ARID2: variants seen among roughly 807,000 people sequenced by gnomAD.
ARID2 encodes the protein AT-rich interaction domain 2, also known as AT-rich interactive domain-containing protein 2.
A neutral mutation model predicts 184.6 loss-of-function variants in ARID2; 32 were observed. That is an observed-to-expected ratio of 0.17 (90% confidence interval 0.13 to 0.23). The LOEUF (loss-of-function observed/expected upper bound fraction) is 0.23. Among genes scored for constraint, ARID2 ranks in the 10% least tolerant of loss-of-function variants. ARID2 has a pLI of 1.00. For missense variants in ARID2, 1,696 were observed against 2,197.6 expected, an observed-to-expected ratio of 0.77 and a Z score of 4.56; for synonymous variants, 836 against 772.6, an observed-to-expected ratio of 1.08 and a Z score of -1.36.
intron 3 of ARID2, among the ~76,000 whole-genome samples, chr12:45,771,532 CCA>C (rs1941877016): frequency 6.6e-6 from 1 of 151,432 alleles, no homozygotes; most frequent in African/African-American, 2.4e-5. Context: ...AACTAGTTAG[CCA>C]CAGTGTTGCA....
At chr12:45,812,813 C>A (rs921451538) in intron 4 of ARID2, among the ~76,000 whole-genome samples, 3 of 152,168 alleles carry the variant, frequency 2.0e-5, no homozygotes, top group African/African-American at 4.8e-5. Flanking sequence ...TTTCAACTTA[C>A]AACTCTGTGT....
chr12:45,797,138 A>G (rs892156353), intron 3 of ARID2, among the ~76,000 whole-genome samples: 1 of 152,142 alleles, frequency 6.6e-6, no homozygotes, highest in Non-Finnish European at 1.5e-5. Context: ...TTTAATATAC[A>G]TACATACACA....
chr12:45,729,832 A>C lies in ARID2; in HGVS notation c.-5A>C. 1 of 1,607,344 alleles carries C rather than the reference A, an allele frequency of 6.2e-7. No homozygotes were observed. The highest frequency in any genetic ancestry group is 8.5e-7 in the Non-Finnish European group (1 of 1,177,362). On this transcript the variant is annotated 5_prime_UTR_variant, in exon 1 of 21. Coordinates refer to ENST00000334344, the MANE Select transcript of ARID2 (RefSeq NM_152641.4). ...GGTTTTTTAAAAACCTCCTTTGAAA[A>C]AATAATGGCAAACTCGACGGGGAAG...
chr12:45,851,855 C>T lies in ARID2; in HGVS notation c.3732C>T (p.Cys1244=), dbSNP rs534769714. ...CATTCAAAGGTGATAAAATAATTTG[C>T]CAAAAGGAGGAGGAAGCAAAGGAAG... ...TPPFKGDKII[C]QKEEEAKEAT... is the part of the protein sequence containing the mutation. The change falls in exon 15 of 21, where the codon TGC becomes TGT. Residue 1244 remains cysteine, a synonymous_variant. Transcript: ENST00000334344. 384 of 1,614,002 alleles carry T rather than the reference C, an allele frequency of 2.4e-4. 1 individual carries two copies. The South Asian group carries it at 4.0e-3, about 17-fold the overall frequency.
intron 6 of ARID2, among the ~76,000 whole-genome samples, chr12:45,824,288 T>C (rs1385304414): frequency 6.6e-6 from 1 of 152,150 alleles, no homozygotes; most frequent in Non-Finnish European, 1.5e-5. Context: ...TTTTATCAAA[T>C]GCTTTTTTTG....
At chr12:45,785,635 C>G (rs1035138526) in intron 3 of ARID2, among the ~76,000 whole-genome samples, 2 of 152,104 alleles carry the variant, frequency 1.3e-5, no homozygotes, top group African/African-American at 4.8e-5. Flanking sequence ...CAACATGACA[C>G]TTAAAGGAAA....
At chr12:45,761,408 T>G (rs1248309231) in intron 3 of ARID2, among the ~76,000 whole-genome samples, 4 of 152,214 alleles carry the variant, frequency 2.6e-5, no homozygotes, top group Non-Finnish European at 5.9e-5. Flanking sequence ...AAGGTCTTTT[T>G]TTTGTGGTAA....
intron 3 of ARID2, among the ~76,000 whole-genome samples, chr12:45,796,791 A>T (rs1345332633): frequency 6.6e-6 from 1 of 152,182 alleles, no homozygotes; most frequent in African/African-American, 2.4e-5. Flanking sequence ...TACTGATGTG[A>T]ACCATTGCGC....
chr12:45,846,771 A>T (rs966703404), intron 11 of ARID2, 85 bp from the exon 12 acceptor site: 2 of 1,226,008 alleles, frequency 1.6e-6, no homozygotes, highest in Non-Finnish European at 2.4e-6. Context: ...CATTGTGTTA[A>T]TGGGTTCAAT....
At chr12:45,730,271 G>A (rs1172370839) in intron 2 of ARID2, 134 bp downstream of exon 2, 2 of 741,636 alleles carry the variant, frequency 2.7e-6, no homozygotes, top group Non-Finnish European at 3.9e-6. Flanking sequence ...CTCCCAGCCG[G>A]TGGCACGGAG....
intron 3 of ARID2, among the ~76,000 whole-genome samples, chr12:45,767,879 A>G (rs901760905): frequency 1.3e-5 from 2 of 152,322 alleles, no homozygotes; most frequent in Middle Eastern, 3.4e-3. Flanking sequence ...TGAGCTATAC[A>G]TTTAGTTGGG....
rs1944334978 is a variant in ARID2, at chr12:45,893,824, A to C, written c.5363+103A>C. ...CTGTATTTTCTTCATTGTTTTTCTC[A>C]TCAATTTTGCAAATACATCCAAAAG... On this transcript the variant is annotated intron_variant, in intron 20 of 20. Coordinates refer to ENST00000334344, the MANE Select transcript of ARID2 (RefSeq NM_152641.4). 2.7e-6 allele frequency: 3 copies of C among 1,092,760 alleles called. No homozygotes were observed. The African/African-American group carries it at 4.9e-5, about 18-fold the overall frequency. The allele number at this position is 1,092,760 out of a possible 1,614,324, so 67.7% of individuals were successfully genotyped here.
intron 3 of ARID2, among the ~76,000 whole-genome samples, chr12:45,769,472 T>C (rs1053574816): frequency 4.6e-5 from 7 of 152,076 alleles, no homozygotes; most frequent in Non-Finnish European, 1.0e-4. Context: ...AATTTAAAGA[T>C]AGATCAACAG....
At chr12:45,801,331 A>G (rs1942498339) in intron 3 of ARID2, among the ~76,000 whole-genome samples, 2 of 147,018 alleles carry the variant, frequency 1.4e-5, no homozygotes, top group South Asian at 2.1e-4. Context: ...AAAAAAAAAA[A>G]AGTAAAAAAA....
At chr12:45,777,199 T>C (rs11183201) in intron 3 of ARID2, among the ~76,000 whole-genome samples, 93,655 of 151,880 alleles carry the variant, frequency 0.62, 30,929 homozygotes, top group African/African-American at 0.87. Context: ...AAACTGCAAT[T>C]ATTTAAAGAA....
In ARID2 at chr12:45,893,328, A is replaced by G. The variant is rs2136461770; in HGVS notation, c.5148-92A>G. ...CTGTAAACACGATTTTAAAATAACC[A>G]GCTTAAAGGGGTTGGCAGGGTGGTC... is the stretch of plus-strand genomic sequence containing the variant. On this transcript the variant is annotated intron_variant, in intron 18 of 20. Transcript: ENST00000334344. The G allele has an allele frequency of 8.6e-6, 12 of 1,397,228 alleles. No individual in the cohort carries two copies. In the South Asian group the frequency reaches 1.7e-4, roughly 20 times the overall value. The allele number at this position is 1,397,228 out of a possible 1,614,324, so 86.6% of individuals were successfully genotyped here.
intron 20 of ARID2, among the ~76,000 whole-genome samples, chr12:45,894,586 A>G (rs1385501839): frequency 6.6e-6 from 1 of 152,214 alleles, no homozygotes; most frequent in Non-Finnish European, 1.5e-5. Context: ...GAATTTGACT[A>G]TATTGTTTTA....
intron 3 of ARID2, among the ~76,000 whole-genome samples, chr12:45,753,960 G>C (rs576166625): frequency 1.4e-4 from 22 of 152,270 alleles, no homozygotes; most frequent in African/African-American, 4.8e-4. Context: ...ACATGATGAA[G>C]TACTAAGATT....
chr12:45,898,198 A>G (rs961450394), intron 20 of ARID2, among the ~76,000 whole-genome samples: 6 of 152,214 alleles, frequency 3.9e-5, no homozygotes, highest in Non-Finnish European at 8.8e-5. Flanking sequence ...AATATATGGT[A>G]TGATTTCACT....
Sources: gnomAD v4.1 joint callset for allele counts (sites outside exome capture counted in the v4.1 genomes callset) on GRCh38, gnomAD v4.1.1 for gene constraint, MANE v1.5 for transcripts, NCBI Gene and HGNC (gene_info 2026-07-23, HGNC 2026-07-21) for gene names.